Variants in IMMP2L observed in about 807,000 individuals in gnomAD.
IMMP2L encodes inner mitochondrial membrane peptidase subunit 2.
Under a neutral mutation model 19.3 loss-of-function variants are expected in IMMP2L, and 18 were observed. That is an observed-to-expected ratio of 0.93 (90% confidence interval 0.64 to 1.38). The LOEUF (loss-of-function observed/expected upper bound fraction) is 1.38. Ranked by LOEUF, IMMP2L falls within the 40% of genes most tolerant of loss-of-function variation. The probability of loss-of-function intolerance (pLI) is 0.00; values close to 1 mark genes in which losing one functional copy is unlikely to be tolerated. For missense variants in IMMP2L, 233 were observed against 218.2 expected (o/e 1.07, Z -0.43); for synonymous variants, 76 against 73.0 (o/e 1.04, Z -0.21).
At chr7:111,510,932 C>G (rs991441669) in intron 2 of IMMP2L, among the ~76,000 whole-genome samples, 13 of 152,010 alleles carry the variant, frequency 8.6e-5, no homozygotes, top group Non-Finnish European at 1.8e-4. Flanking sequence ...GTGGCCATAC[C>G]TAACTAACCA....
chr7:111,379,502 T>C (rs1228870560), intron 3 of IMMP2L, among the ~76,000 whole-genome samples: 1 of 151,736 alleles, frequency 6.6e-6, no homozygotes, highest in East Asian at 1.9e-4. Context: ...ATTAGATTGC[T>C]GCACCTCAGA....
intron 5 of IMMP2L, among the ~76,000 whole-genome samples, chr7:110,838,632 T>A (rs796522146): frequency 3.9e-5 from 6 of 152,074 alleles, no homozygotes; most frequent in African/African-American, 1.4e-4. Flanking sequence ...AGCCATATGA[T>A]CAGCAAGAAG....
chr7:110,882,357 C>T (rs61479355), intron 5 of IMMP2L, among the ~76,000 whole-genome samples: 220 of 134,660 alleles, frequency 1.6e-3, no homozygotes, highest in African/African-American at 7.2e-3. Flanking sequence ...TCCTCTCTCC[C>T]TCTCTCTCTC....
chr7:110,986,658 G>C (rs945783480), intron 3 of IMMP2L, among the ~76,000 whole-genome samples: 1 of 152,194 alleles, frequency 6.6e-6, no homozygotes, highest in East Asian at 1.9e-4. Context: ...AAATGGAGGA[G>C]AGAATACAAA....
At chr7:111,243,234 T>C (rs1310585714) in intron 3 of IMMP2L, among the ~76,000 whole-genome samples, 2 of 151,994 alleles carry the variant, frequency 1.3e-5, no homozygotes, top group African/African-American at 2.4e-5. Flanking sequence ...ATTTATTATA[T>C]ATTGAATTAT....
intron 3 of IMMP2L, among the ~76,000 whole-genome samples, chr7:111,316,406 C>T (rs568088242): frequency 3.1e-4 from 47 of 152,086 alleles, no homozygotes; most frequent in African/African-American, 1.1e-3. Flanking sequence ...ATGTTAAGAG[C>T]CAACAAAGTA....
intron 1 of IMMP2L, among the ~76,000 whole-genome samples, chr7:111,530,773 T>C (rs536335689): frequency 6.6e-6 from 1 of 152,122 alleles, no homozygotes; most frequent in East Asian, 1.9e-4. Context: ...TGTTTCTGTA[T>C]GTTTAAAATT....
chr7:110,744,585 G>A (rs900981358), intron 5 of IMMP2L, among the ~76,000 whole-genome samples: 10 of 152,192 alleles, frequency 6.6e-5, no homozygotes, highest in Admixed American at 1.3e-4. Context: ...TGCAGCCTCC[G>A]CTGGTGCTAC....
chr7:111,230,450 C>T (rs547278623), intron 3 of IMMP2L, among the ~76,000 whole-genome samples: 1 of 152,048 alleles, frequency 6.6e-6, no homozygotes, highest in South Asian at 2.1e-4. Flanking sequence ...TAGTTTACTC[C>T]TAATTTTAAG....
At chr7:111,127,349 C>T (rs1251520086) in intron 3 of IMMP2L, among the ~76,000 whole-genome samples, 5 of 152,260 alleles carry the variant, frequency 3.3e-5, no homozygotes, top group Middle Eastern at 3.4e-3. Flanking sequence ...TTCTTTGAAA[C>T]CTATCTGCCT....
intron 5 of IMMP2L, among the ~76,000 whole-genome samples, chr7:110,686,845 C>A (rs992842747): frequency 4.6e-5 from 7 of 152,014 alleles, no homozygotes; most frequent in African/African-American, 1.7e-4. Context: ...CACACTGGTA[C>A]CAGATTAATT....
intron 3 of IMMP2L, among the ~76,000 whole-genome samples, chr7:111,063,460 A>C (rs1390284487): frequency 6.6e-6 from 1 of 151,902 alleles, no homozygotes; most frequent in South Asian, 2.1e-4. Context: ...CATTTTCCCT[A>C]TTTTCTTGGG....
intron 1 of IMMP2L, among the ~76,000 whole-genome samples, chr7:111,522,970 C>A (rs1370725134): frequency 3.0e-5 from 4 of 131,880 alleles, no homozygotes; most frequent in African/African-American, 6.5e-5. Flanking sequence ...TGAAATCCTG[C>A]CATCTGGTAC....
intron 4 of IMMP2L, among the ~76,000 whole-genome samples, chr7:110,938,180 A>AT (rs1470522049): frequency 1.3e-5 from 2 of 152,138 alleles, no homozygotes; most frequent in Non-Finnish European, 2.9e-5. Context: ...TACCATCCTT[A>AT]AAAGGCAGTC....
chr7:111,066,773 G>T (rs760714836), intron 3 of IMMP2L, among the ~76,000 whole-genome samples: 1 of 152,184 alleles, frequency 6.6e-6, no homozygotes, highest in Non-Finnish European at 1.5e-5. Context: ...TGGAGGCCTT[G>T]GGTCATGCTA....
intron 4 of IMMP2L, among the ~76,000 whole-genome samples, chr7:110,888,712 G>A (rs185274751): frequency 8.7e-4 from 132 of 152,194 alleles, no homozygotes; most frequent in African/African-American, 3.0e-3. Context: ...TTTAAATATA[G>A]CCTTTATCCT....
At chr7:111,469,769 C>T (rs79995383) in intron 3 of IMMP2L, among the ~76,000 whole-genome samples, 1 of 151,792 alleles carries the variant, frequency 6.6e-6, no homozygotes, top group African/African-American at 2.4e-5. Flanking sequence ...ACCATAAAAA[C>T]CCTAGAAGAA....
chr7:111,297,823 A>G (rs1821791495), intron 3 of IMMP2L, among the ~76,000 whole-genome samples: 1 of 152,262 alleles, frequency 6.6e-6, no homozygotes, highest in Non-Finnish European at 1.5e-5. Context: ...TGTATACTGT[A>G]TAAGTCCATT....
chr7:111,403,009 G>A (rs1403494424), intron 3 of IMMP2L, among the ~76,000 whole-genome samples: 5 of 34,388 alleles, frequency 1.5e-4, no homozygotes, highest in Admixed American at 5.0e-4. Flanking sequence ...CCCCCACCCC[G>A]CCAGGCTCAG....
Sources: gnomAD v4.1 joint callset for allele counts (sites outside exome capture counted in the v4.1 genomes callset) on GRCh38, gnomAD v4.1.1 for gene constraint, MANE v1.5 for transcripts, NCBI Gene and HGNC (gene_info 2026-07-23, HGNC 2026-07-21) for gene names.